The following LPO variants were observed in gnomAD, a reference collection of about 807,000 sequenced individuals.
LPO encodes lactoperoxidase.
A neutral mutation model predicts 68.4 loss-of-function variants in LPO; 70 were observed. The observed-to-expected ratio is 1.02, with a 90% CI of 0.84 to 1.25. The LOEUF is 1.25. Among genes scored for constraint, LPO ranks in the 50% most tolerant of loss-of-function variants. The pLI, the probability that LPO is intolerant of heterozygous loss-of-function variation, is 0.00. For synonymous variants in LPO, 360 were observed against 357.6 expected (o/e 1.01, Z -0.08); for missense variants, 873 against 908.4 (o/e 0.96, Z 0.50).
chr17:58,243,198 TC>T (rs990984246), intron 2 of LPO, 143 bp downstream of exon 2: 12 of 739,948 alleles, frequency 1.6e-5, no homozygotes, highest in African/African-American at 1.6e-4. Context: ...CTGTGCTCCC[TC>T]TGAAGGCTCT....
chr17:58,264,284 T>C (rs1970220229), intron 9 of LPO, among the ~76,000 whole-genome samples: 1 of 152,264 alleles, frequency 6.6e-6, no homozygotes, highest in Non-Finnish European at 1.5e-5. Flanking sequence ...AGTCTTTCCA[T>C]TCTTCTGTAT....
In LPO at chr17:58,252,204, C is replaced by CG. The variant is rs1429767938; in HGVS notation, c.807dup (p.Thr270AspfsTer78). The CG allele has an allele frequency of 6.2e-7, 1 of 1,614,086 alleles. No homozygotes were observed. On this transcript the variant is annotated frameshift_variant, in exon 8 of 13. Transcript: ENST00000262290. LOFTEE classifies it high-confidence loss of function. The stretch of plus-strand genomic sequence containing the variant: ...CAGTTCCCACCCAATGACCCCAAGG[C>CG]GGGGACTCAAGGGAAATGCATGCCT...
At chr17:58,266,413 T>A in intron 11 of LPO, 87 bp downstream of exon 11, 1 of 1,368,420 alleles carries the variant, frequency 7.3e-7, no homozygotes, top group Non-Finnish European at 9.9e-7. Flanking sequence ...ACCCTGAGGA[T>A]CTGATCATCT....
chr17:58,248,718 G>A (rs925882336), intron 4 of LPO, among the ~76,000 whole-genome samples: 3 of 151,998 alleles, frequency 2.0e-5, no homozygotes, highest in Admixed American at 6.6e-5. Flanking sequence ...TTAACCTCCC[G>A]GGGTATTTCC....
At chr17:58,249,392 G>C (rs941344619) in intron 5 of LPO, 174 bp from the exon 6 acceptor site, 1 of 1,082,682 alleles carries the variant, frequency 9.2e-7, no homozygotes, top group Non-Finnish European at 1.3e-6. Context: ...TCCCCGGGGC[G>C]GGGGAGCCCC....
At chr17:58,249,473 C>A in intron 5 of LPO, 93 bp from the exon 6 acceptor site, 1 of 1,505,528 alleles carries the variant, frequency 6.6e-7, no homozygotes, top group Non-Finnish European at 8.8e-7. Context: ...GTCCCCTCCG[C>A]CTCGAGCAGA....
chr17:58,252,440 G>A lies in LPO; in HGVS notation c.1039G>A (p.Asp347Asn), dbSNP rs757910655. Residue 347 changes from aspartate (D) to asparagine (N), a missense_variant, in exon 8 of 13, where the codon GAC becomes AAC. Coordinates refer to ENST00000262290, the MANE Select transcript of LPO (RefSeq NM_006151.3). Reference sequence around the variant, plus strand: ...CCATGGACTACCCTACCTGCCCTATGACAGCAAGAAGCCAAGCCCCTGTGA... The same window carrying A: ...CCATGGACTACCCTACCTGCCCTATAACAGCAAGAAGCCAAGCCCCTGTGA... ...SDHGLPYLPYDSKKPSPCEFI... is the reference protein window; with the variant it reads ...SDHGLPYLPYNSKKPSPCEFI... 1.2e-6 allele frequency: 2 copies of A among 1,614,092 alleles called. No homozygotes were observed. Among genetic ancestry groups the A allele is most frequent in the Non-Finnish European group, 1.7e-6 (2 of 1,180,026 alleles).
intron 4 of LPO, among the ~76,000 whole-genome samples, chr17:58,248,657 G>A (rs986893511): frequency 2.0e-5 from 3 of 152,084 alleles, no homozygotes; most frequent in African/African-American, 7.2e-5. Flanking sequence ...AGATGTGAAC[G>A]AAGCTTTAGA....
chr17:58,264,628 C>T (rs1970225369), intron 9 of LPO, 94 bp from the exon 10 acceptor site: 4 of 1,363,868 alleles, frequency 2.9e-6, no homozygotes, highest in Non-Finnish European at 4.1e-6. Flanking sequence ...TTTTCAACAG[C>T]TCATCACTCT....
intron 6 of LPO, among the ~76,000 whole-genome samples, chr17:58,250,152 T>G (rs2143905234): frequency 6.6e-6 from 1 of 152,288 alleles, no homozygotes; most frequent in East Asian, 1.9e-4. Flanking sequence ...GGCACCGGCT[T>G]GGCAAATCAT....
At chr17:58,263,286 T>A (rs1970205303) in intron 9 of LPO, among the ~76,000 whole-genome samples, 1 of 152,244 alleles carries the variant, frequency 6.6e-6, no homozygotes, top group African/African-American at 2.4e-5. Context: ...AAAATTTTTA[T>A]CAGATAATTA....
chr17:58,245,231 C>A (rs1969831677), intron 3 of LPO, among the ~76,000 whole-genome samples: 1 of 152,186 alleles, frequency 6.6e-6, no homozygotes, highest in Non-Finnish European at 1.5e-5. Context: ...AGTGCAGTCT[C>A]CTTCTCCCTC....
chr17:58,247,115 G>A (rs1419678536), intron 3 of LPO, among the ~76,000 whole-genome samples: 4 of 152,094 alleles, frequency 2.6e-5, no homozygotes, highest in Non-Finnish European at 1.5e-5. Context: ...AATCCTGGTG[G>A]AACCCAGATC....
chr17:58,246,077 G>C (rs957542065), intron 3 of LPO, among the ~76,000 whole-genome samples: 37 of 152,328 alleles, frequency 2.4e-4, no homozygotes, highest in Non-Finnish European at 4.9e-4. Flanking sequence ...CAGGGCAAGG[G>C]ATGCCACTCT....
chr17:58,254,577 G>T, intron 8 of LPO: 1 of 424,524 alleles, frequency 2.4e-6, no homozygotes, highest in East Asian at 3.9e-5. Context: ...GCTCAGAAGT[G>T]TTAAGTAACT....
At chr17:58,266,129 T>A (rs937753752) in intron 10 of LPO, 24 bp from the exon 11 acceptor site, 29 of 1,608,656 alleles carry the variant, frequency 1.8e-5, no homozygotes, top group East Asian at 2.2e-5. Context: ...AACCTAAGCA[T>A]GGCTTCTGGG....
At chr17:58,256,461 G>A (rs558988172) in intron 9 of LPO, among the ~76,000 whole-genome samples, 4 of 149,644 alleles carry the variant, frequency 2.7e-5, no homozygotes, top group Non-Finnish European at 5.9e-5. Flanking sequence ...GCGCCTATAT[G>A]TATGGGGTAC....
chr17:58,258,501 G>C (rs1278241889), intron 9 of LPO, among the ~76,000 whole-genome samples: 1 of 152,134 alleles, frequency 6.6e-6, no homozygotes, highest in African/African-American at 2.4e-5. Context: ...ATTGGTCTTT[G>C]TGTCTGTTTC....
At chr17:58,265,615 T>C (rs1396899915) in intron 10 of LPO, among the ~76,000 whole-genome samples, 1 of 134,340 alleles carries the variant, frequency 7.4e-6, no homozygotes, top group East Asian at 2.5e-4. Context: ...AGGGTCTTAC[T>C]CTGTCACCCA....
Sources: gnomAD v4.1 joint callset for allele counts (sites outside exome capture counted in the v4.1 genomes callset) on GRCh38, gnomAD v4.1.1 for gene constraint, MANE v1.5 for transcripts, NCBI Gene and HGNC (gene_info 2026-07-23, HGNC 2026-07-21) for gene names.